ARID5B: variants seen among roughly 807,000 people sequenced by gnomAD.
ARID5B encodes AT-rich interactive domain-containing protein 5B.
ARID5B carries 13 observed loss-of-function variants against 97.2 expected under a neutral mutation model. That is an observed-to-expected ratio of 0.13 (90% CI 0.09 to 0.21). The LOEUF (loss-of-function observed/expected upper bound fraction) is 0.21. Among genes scored for constraint, ARID5B ranks in the 10% least tolerant of loss-of-function variants. The pLI is 1.00. For synonymous variants in ARID5B, 556 were observed against 570.3 expected (o/e 0.97, Z 0.36); for missense variants, 1,210 against 1,465.3 (o/e 0.83, Z 2.84).
At position 62,091,708 on chromosome 10, in the gene ARID5B, C is replaced by T. The variant is rs1840376297; in HGVS notation, c.2245C>T (p.Pro749Ser). The T allele has an allele frequency of 6.2e-7, 1 of 1,614,122 alleles. No homozygotes were observed. The part of the protein sequence containing the change: ...QSTDHMAVSR[P>S]SVIQHVQSFR... ...CACTGACCATATGGCGGTCAGCCGG[C>T]CATCAGTGATTCAGCACGTCCAGAG... The change falls in exon 10 of 10, where the codon CCA becomes TCA. Residue 749 changes from proline (P) to serine (S), a missense_variant. Pro to Ser is a moderately conservative substitution (Grantham distance 74). Around this residue, in one of 8 missense-constraint regions of ARID5B, gnomAD observed 800 missense variants for 839.1 expected, o/e 0.95. Coordinates refer to ENST00000279873, the MANE Select transcript of ARID5B (RefSeq NM_032199.3).
At chr10:61,997,458 A>G (rs1839017082) in intron 3 of ARID5B, among the ~76,000 whole-genome samples, 1 of 152,148 alleles carries the variant, frequency 6.6e-6, no homozygotes, top group African/African-American at 2.4e-5. Context: ...GACATCTTCC[A>G]TGAAACTTAC....
intron 3 of ARID5B, among the ~76,000 whole-genome samples, chr10:61,998,020 A>G (rs918610626): frequency 6.6e-6 from 1 of 152,176 alleles, no homozygotes; most frequent in Non-Finnish European, 1.5e-5. Flanking sequence ...TTTCCTTTTA[A>G]TTAAGTGTGC....
intron 7 of ARID5B, among the ~76,000 whole-genome samples, chr10:62,060,341 T>C (rs1839906478): frequency 6.6e-6 from 1 of 152,206 alleles, no homozygotes; most frequent in South Asian, 2.1e-4. Context: ...GTATTTTCTG[T>C]TGAGCTATCT....
At chr10:61,963,564 A>G (rs1171473305) in intron 3 of ARID5B, among the ~76,000 whole-genome samples, 2 of 151,962 alleles carry the variant, frequency 1.3e-5, no homozygotes, top group African/African-American at 4.8e-5. Flanking sequence ...CAGCTGACCT[A>G]TATGTCTCTC....
At chr10:62,089,528 C>CTTTT (rs34423923) in intron 9 of ARID5B, among the ~76,000 whole-genome samples, 1 of 101,546 alleles carries the variant, frequency 9.8e-6, no homozygotes. Context: ...CCTTCTTTTT[C>CTTTT]TTTTTTTTTT....
At chr10:61,970,618 C>G (rs532092263) in intron 3 of ARID5B, among the ~76,000 whole-genome samples, 8 of 152,078 alleles carry the variant, frequency 5.3e-5, no homozygotes, top group Admixed American at 1.3e-4. Flanking sequence ...GCAAGAGCGC[C>G]GAGGAGGTTG....
chr10:61,928,110 T>C (rs12571478), intron 2 of ARID5B, among the ~76,000 whole-genome samples: 8,220 of 152,172 alleles, frequency 0.054, 334 homozygotes, highest in East Asian at 0.16. Flanking sequence ...GGAAGAGTCA[T>C]TGTGTTTGGT....
At chr10:62,037,053 G>T (rs1839574721) in intron 4 of ARID5B, among the ~76,000 whole-genome samples, 1 of 152,054 alleles carries the variant, frequency 6.6e-6, no homozygotes, top group Non-Finnish European at 1.5e-5. Flanking sequence ...TGACTCTCCG[G>T]CTCCATATTT....
chr10:61,997,994 C>A (rs1389203568), intron 3 of ARID5B, among the ~76,000 whole-genome samples: 4 of 152,158 alleles, frequency 2.6e-5, no homozygotes, highest in Admixed American at 6.5e-5. Flanking sequence ...GGGGACTTGC[C>A]TTCAAGGTAA....
chr10:62,029,297 A>C (rs955688735), intron 4 of ARID5B, among the ~76,000 whole-genome samples: 41 of 152,188 alleles, frequency 2.7e-4, no homozygotes, highest in Non-Finnish European at 4.0e-4. Context: ...CTGCTCTCCA[A>C]AAGTCAGCTT....
chr10:61,969,298 T>G (rs1248538277), intron 3 of ARID5B, among the ~76,000 whole-genome samples: 7 of 152,250 alleles, frequency 4.6e-5, no homozygotes, highest in African/African-American at 1.7e-4. Flanking sequence ...CATAGGAATA[T>G]CTTATTTAAT....
intron 4 of ARID5B, among the ~76,000 whole-genome samples, chr10:62,014,874 C>G (rs1293965359): frequency 1.3e-5 from 2 of 152,146 alleles, no homozygotes; most frequent in African/African-American, 4.8e-5. Context: ...CATCTATTTT[C>G]CAGGATTTGT....
chr10:62,014,296 T>A (rs1403987374), intron 4 of ARID5B, among the ~76,000 whole-genome samples: 1 of 152,188 alleles, frequency 6.6e-6, no homozygotes, highest in Non-Finnish European at 1.5e-5. Context: ...AAGTTGAAGT[T>A]GGTTGCAGTG....
At chr10:62,075,962 G>A (rs773527029) in intron 8 of ARID5B, among the ~76,000 whole-genome samples, 1 of 152,206 alleles carries the variant, frequency 6.6e-6, no homozygotes, top group African/African-American at 2.4e-5. Flanking sequence ...TCTGCCATGT[G>A]CAGAGAGCAC....
chr10:62,033,811 G>A (rs1839526899), intron 4 of ARID5B, among the ~76,000 whole-genome samples: 2 of 152,162 alleles, frequency 1.3e-5, no homozygotes, highest in South Asian at 2.1e-4. Flanking sequence ...CTTTCAAGAT[G>A]GGCATATAAT....
intron 5 of ARID5B, among the ~76,000 whole-genome samples, chr10:62,055,985 G>T (rs749172535): frequency 6.6e-6 from 1 of 152,134 alleles, no homozygotes; most frequent in Non-Finnish European, 1.5e-5. Context: ...CTTCTCTCCC[G>T]ATGTCAGTTA....
At chr10:62,067,090 C>CTT (rs58181996) in intron 7 of ARID5B, among the ~76,000 whole-genome samples, 4 of 145,210 alleles carry the variant, frequency 2.8e-5, no homozygotes, top group Admixed American at 6.9e-5. Context: ...TATAGAACTT[C>CTT]TTTTTTTTTT....
chr10:61,943,472 C>T (rs10994978), intron 3 of ARID5B, among the ~76,000 whole-genome samples: 9,111 of 147,264 alleles, frequency 0.062, 353 homozygotes, highest in South Asian at 0.12. Flanking sequence ...TATTTGAGGC[C>T]CCCCCCCTTT....
At chr10:62,060,364 G>A (rs1009572489) in intron 7 of ARID5B, among the ~76,000 whole-genome samples, 18 of 152,084 alleles carry the variant, frequency 1.2e-4, no homozygotes, top group African/African-American at 4.3e-4. Flanking sequence ...TATGAATTCC[G>A]ACTAAAAATT....
Sources: gnomAD v4.1 joint callset for allele counts (sites outside exome capture counted in the v4.1 genomes callset) on GRCh38, gnomAD v4.1.1 for gene constraint, gnomAD v4.1.1 regional missense constraint, MANE v1.5 for transcripts, NCBI Gene and HGNC (gene_info 2026-07-23, HGNC 2026-07-21) for gene names.